CDK17: variants seen among roughly 807,000 people sequenced by gnomAD.
The protein encoded by CDK17 is cyclin-dependent kinase 17.
A neutral mutation model predicts 77.6 loss-of-function variants in CDK17; 24 were observed. The observed-to-expected ratio is 0.31, with a 90% CI of 0.22 to 0.44. CDK17 has a LOEUF of 0.44. Ranked by LOEUF, CDK17 falls within the 20% of genes least tolerant of loss-of-function variation. The pLI is 1.00. For missense variants in CDK17, 429 were observed against 622.5 expected (o/e 0.69, Z 3.31); for synonymous variants, 203 against 210.4 (o/e 0.96, Z 0.30).
chr12:96,392,257 T>C (rs547525205), intron 1 of CDK17, among the ~76,000 whole-genome samples: 7 of 152,210 alleles, frequency 4.6e-5, no homozygotes, highest in African/African-American at 7.2e-5. Context: ...ACAAGTGTCA[T>C]AGCATTGTAA....
chr12:96,305,809 C>A (rs1952569715), intron 5 of CDK17, among the ~76,000 whole-genome samples: 2 of 152,130 alleles, frequency 1.3e-5, no homozygotes, highest in Non-Finnish European at 2.9e-5. Flanking sequence ...ACCTCATCCT[C>A]TTGGGCTCAA....
At chr12:96,397,232 A>G (rs1954186706) in intron 1 of CDK17, among the ~76,000 whole-genome samples, 1 of 152,170 alleles carries the variant, frequency 6.6e-6, no homozygotes, top group African/African-American at 2.4e-5. Context: ...ATACGTTAAA[A>G]TCTGCGCTTA....
intron 1 of CDK17, among the ~76,000 whole-genome samples, chr12:96,398,845 G>A (rs2137258409): frequency 6.6e-6 from 1 of 152,330 alleles, no homozygotes; most frequent in East Asian, 1.9e-4. Flanking sequence ...GATAGAACAT[G>A]ACCAACGAGG....
intron 1 of CDK17, among the ~76,000 whole-genome samples, chr12:96,372,469 T>C (rs1346418246): frequency 6.6e-6 from 1 of 152,222 alleles, no homozygotes; most frequent in Non-Finnish European, 1.5e-5. Flanking sequence ...ATCACATTAC[T>C]TGCTAAGTGG....
In CDK17 at chr12:96,334,780, A is replaced by G. The variant is rs1038829271; in HGVS notation, c.57T>C (p.Asp19=). ...SLTLRGSQTI[D]ESLSELAEQM... ...GTTCAGCCAATTCAGACAATGATTCATCAATAGTCTGACTTCCTCGGAGTG... is the reference window on the plus strand; with the variant it reads ...GTTCAGCCAATTCAGACAATGATTCGTCAATAGTCTGACTTCCTCGGAGTG... Residue 19 remains aspartate, a synonymous_variant, in exon 2 of 17, where the codon GAT becomes GAC. Coordinates refer to ENST00000261211, the MANE Select transcript of CDK17 (RefSeq NM_002595.5). The G allele has an allele frequency of 2.5e-6, 4 of 1,612,478 alleles. No homozygotes were observed. Among genetic ancestry groups the G allele is most frequent in the Non-Finnish European group, 3.4e-6 (4 of 1,178,810 alleles).
chr12:96,292,477 C>T (rs900537291), intron 10 of CDK17, among the ~76,000 whole-genome samples: 2 of 151,904 alleles, frequency 1.3e-5, no homozygotes, highest in East Asian at 1.9e-4. Flanking sequence ...GTGGTGGGCA[C>T]CCCTGTAATT....
chr12:96,338,295 C>CA (rs1334566551), intron 1 of CDK17, among the ~76,000 whole-genome samples: 1 of 152,242 alleles, frequency 6.6e-6, no homozygotes, highest in Non-Finnish European at 1.5e-5. Flanking sequence ...TCTTGGACTT[C>CA]AAGCTACATA....
chr12:96,317,684 C>T (rs201040220), intron 3 of CDK17, among the ~76,000 whole-genome samples: 2,569 of 113,518 alleles, frequency 0.023, 16 homozygotes, highest in Middle Eastern at 0.045. Flanking sequence ...CAGAATTTCA[C>T]ATCCAGCCAA....
intron 3 of CDK17, among the ~76,000 whole-genome samples, chr12:96,315,796 A>G (rs1221547547): frequency 1.3e-5 from 2 of 152,204 alleles, no homozygotes; most frequent in Non-Finnish European, 2.9e-5. Context: ...GATGTTGATG[A>G]GAAGGTCCCT....
At chr12:96,288,581 A>G (rs1452365841) in intron 11 of CDK17, among the ~76,000 whole-genome samples, 1 of 152,228 alleles carries the variant, frequency 6.6e-6, no homozygotes, top group African/African-American at 2.4e-5. Context: ...AAGGTAGTTT[A>G]GAGACATCTT....
rs1565799646 is a variant in CDK17, at chr12:96,279,253, C to A, written c.*989G>T. 1 of 152,200 alleles carries A rather than the reference C, an allele frequency of 6.6e-6. No individual in the cohort carries two copies. The highest frequency in any genetic ancestry group is 6.5e-5 in the Admixed American group (1 of 15,288). 9.4% of individuals were successfully genotyped at this position (152,200 alleles called of 1,614,324 possible). ...CTCATTTCTCTTGTTTGTAATTTAT[C>A]ATGGCTCATTTCAAAGACATATTAC... On this transcript the variant is annotated 3_prime_UTR_variant, in exon 17 of 17. Coordinates refer to ENST00000261211, the MANE Select transcript of CDK17 (RefSeq NM_002595.5).
chr12:96,328,535 G>A (rs1952921602), intron 2 of CDK17, among the ~76,000 whole-genome samples: 1 of 152,132 alleles, frequency 6.6e-6, no homozygotes, highest in African/African-American at 2.4e-5. Context: ...AGCTACAATG[G>A]TGGGGGTTGG....
intron 1 of CDK17, among the ~76,000 whole-genome samples, chr12:96,398,799 A>G (rs1398437918): frequency 6.6e-6 from 1 of 152,186 alleles, no homozygotes; most frequent in African/African-American, 2.4e-5. Context: ...CTTGAAAGTG[A>G]CCTGTTAGGA....
chr12:96,360,009 G>A (rs1306155755), intron 1 of CDK17, among the ~76,000 whole-genome samples: 2 of 152,120 alleles, frequency 1.3e-5, no homozygotes, highest in Non-Finnish European at 2.9e-5. Context: ...ATACTTAGGG[G>A]AAGGTAACCT....
At chr12:96,376,241 T>C (rs890324018) in intron 1 of CDK17, among the ~76,000 whole-genome samples, 1 of 152,304 alleles carries the variant, frequency 6.6e-6, no homozygotes, top group Non-Finnish European at 1.5e-5. Flanking sequence ...CAATAAATAG[T>C]AGCAAATGAT....
chr12:96,377,751 T>C (rs996637812), intron 1 of CDK17, among the ~76,000 whole-genome samples: 14 of 145,390 alleles, frequency 9.6e-5, no homozygotes, highest in Admixed American at 7.2e-4. Flanking sequence ...TGGAGTGCAG[T>C]GGTGCGATCT....
chr12:96,337,166 T>C (rs1953052702), intron 1 of CDK17, among the ~76,000 whole-genome samples: 1 of 152,130 alleles, frequency 6.6e-6, no homozygotes, highest in African/African-American at 2.4e-5. Flanking sequence ...ACTACAAAGA[T>C]AGGTAGGCCT....
chr12:96,298,839 A>AT, intron 7 of CDK17, 30 bp downstream of exon 7: 1 of 1,207,516 alleles, frequency 8.3e-7, no homozygotes, highest in Non-Finnish European at 1.2e-6. Context: ...CACCACTTTG[A>AT]TTTTAAAATG....
chr12:96,300,894 C>A (rs1402675617), intron 5 of CDK17, among the ~76,000 whole-genome samples: 1 of 151,624 alleles, frequency 6.6e-6, no homozygotes, highest in Non-Finnish European at 1.5e-5. Context: ...TCAACCCAAC[C>A]TTTATATATA....
Sources: allele counts gnomAD v4.1 joint callset (sites outside exome capture counted in the v4.1 genomes callset), GRCh38; gene constraint gnomAD v4.1.1; transcripts MANE v1.5; gene names NCBI Gene and HGNC (gene_info 2026-07-23, HGNC 2026-07-21).